The following NFASC variants were observed in gnomAD, a reference collection of about 807,000 sequenced individuals.
NFASC encodes the protein neurofascin homolog.
NFASC carries 43 observed loss-of-function variants against 147.5 expected under a neutral mutation model. The ratio of observed to expected loss-of-function variants is 0.29; its 90% CI spans 0.23 to 0.38. The LOEUF (loss-of-function observed/expected upper bound fraction) is 0.38, where lower values mean the gene tolerates loss of function less well. Ranked by LOEUF, NFASC falls within the 10% of genes least tolerant of loss-of-function variation. The pLI is 1.00. For synonymous variants in NFASC, 622 were observed against 665.5 expected, an observed-to-expected ratio of 0.93 and a Z score of 1.01; for missense variants, 1,320 against 1,689.0, an observed-to-expected ratio of 0.78 and a Z score of 3.83.
intron 8 of NFASC, among the ~76,000 whole-genome samples, chr1:204,962,562 G>C (rs2094729759): frequency 6.6e-6 from 1 of 152,214 alleles, no homozygotes; most frequent in Non-Finnish European, 1.5e-5. Flanking sequence ...GTAGTTGAAA[G>C]AACACAGAAA....
intron 1 of NFASC, among the ~76,000 whole-genome samples, chr1:204,854,759 C>T (rs2076008478): frequency 6.6e-6 from 1 of 152,192 alleles, no homozygotes; most frequent in Non-Finnish European, 1.5e-5. Flanking sequence ...CTAATCTTTG[C>T]TTCTTCAAGG....
At chr1:204,833,746 G>A (rs1672908098) in intron 1 of NFASC, among the ~76,000 whole-genome samples, 1 of 152,170 alleles carries the variant, frequency 6.6e-6, no homozygotes, top group African/African-American at 2.4e-5. Context: ...TTTGTTAGTT[G>A]GATTAGGTTG....
chr1:204,859,810 T>A (rs1407401345), intron 1 of NFASC, among the ~76,000 whole-genome samples: 1 of 152,244 alleles, frequency 6.6e-6, no homozygotes, highest in Non-Finnish European at 1.5e-5. Flanking sequence ...GCTAAGGGTC[T>A]TGTCTTTTCT....
intron 2 of NFASC, among the ~76,000 whole-genome samples, chr1:204,938,408 G>A (rs929921693): frequency 2.0e-5 from 3 of 152,212 alleles, no homozygotes; most frequent in African/African-American, 7.2e-5. Context: ...GCTTTACCAA[G>A]TGTTTTACAT....
chr1:204,999,589 T>C (rs1036176030), intron 25 of NFASC: 2 of 152,186 alleles, frequency 1.3e-5, no homozygotes, highest in Non-Finnish European at 1.5e-5. Flanking sequence ...AATTGAAGCG[T>C]CTGGCAGACA....
intron 1 of NFASC, among the ~76,000 whole-genome samples, chr1:204,905,946 T>C (rs185229325): frequency 7.2e-5 from 11 of 152,314 alleles, no homozygotes; most frequent in African/African-American, 9.6e-5. Flanking sequence ...TGTTTTCCAA[T>C]TGAATGAGTG....
chr1:204,957,436 C>T (rs2094480768), intron 7 of NFASC, among the ~76,000 whole-genome samples: 1 of 152,214 alleles, frequency 6.6e-6, no homozygotes, highest in Non-Finnish European at 1.5e-5. Context: ...AAATCCTGCT[C>T]TCCTCTCTGC....
intron 28 of NFASC, 65 bp from the exon 29 acceptor site, chr1:205,012,732 C>A: frequency 8.3e-7 from 1 of 1,199,252 alleles, no homozygotes; most frequent in Non-Finnish European, 1.2e-6. Flanking sequence ...TTCAGTGGAG[C>A]CCTAGAGAGC....
chr1:205,011,982 G>A (rs530290361), intron 28 of NFASC, among the ~76,000 whole-genome samples: 1 of 152,312 alleles, frequency 6.6e-6, no homozygotes, highest in Admixed American at 6.5e-5. Flanking sequence ...GGGAGGCTGG[G>A]GCATGAGAAT....
intron 8 of NFASC, among the ~76,000 whole-genome samples, chr1:204,963,950 G>A (rs2094815663): frequency 6.6e-6 from 1 of 152,214 alleles, no homozygotes; most frequent in Non-Finnish European, 1.5e-5. Flanking sequence ...TTTTGTTTTA[G>A]TGATTTCTAG....
At chr1:204,962,118 T>C (rs1160625094) in intron 8 of NFASC, 1 of 1,613,690 alleles carries the variant, frequency 6.2e-7, no homozygotes. Context: ...ACCACCCTTA[T>C]AATGACTCGT....
chr1:204,938,466 A>G lies in NFASC; in HGVS notation c.-90-5760A>G, dbSNP rs185244483. Among the ~76,000 whole-genome samples the G allele has an allele frequency of 4.0e-4, 61 of 152,290 alleles. No individual in the cohort carries two copies. In the South Asian group the frequency reaches 7.7e-3, roughly 19 times the overall value. On this transcript the variant is annotated intron_variant, in intron 2 of 29. Coordinates refer to ENST00000339876, the MANE Select transcript of NFASC (RefSeq NM_001005388.3). ...ACAGCAGCCTTCTAGAATTGGTGCT[A>G]TTGTTATCCCCATTTTTCAGATGAT... is the stretch of plus-strand genomic sequence containing the variant.
At position 204,968,956 on chromosome 1, in the gene NFASC, G is replaced by C; in HGVS notation, c.977G>C (p.Arg326Pro). Residue 326 changes from arginine to proline, a missense_variant, in exon 10 of 30, where the codon CGG becomes CCG. This residue lies in a region of NFASC where 981 missense variants were observed against 1,289.5 expected (regional missense o/e 0.76). Coordinates refer to ENST00000339876, the MANE Select transcript of NFASC (RefSeq NM_001005388.3). This position sits in a 1 kb window ranked among gnomAD's most constrained non-coding sequence, Gnocchi z 5.4. ...CLASNKMGSI[R>P]HTISVRVKAA... ...GCCTCCAACAAGATGGGCAGCATCC[G>C]GCACACGATCTCGGTGAGAGTAAAG... 1 of 1,613,956 alleles carries C rather than the reference G, an allele frequency of 6.2e-7. No homozygotes were observed. The highest frequency in any genetic ancestry group is 8.5e-7 in the Non-Finnish European group (1 of 1,179,972).
intron 19 of NFASC, among the ~76,000 whole-genome samples, chr1:204,980,089 C>T (rs2095482592): frequency 6.6e-6 from 1 of 152,174 alleles, no homozygotes; most frequent in South Asian, 2.1e-4. Flanking sequence ...ATTGAGTTGG[C>T]TTACTGACCA....
intron 11 of NFASC, among the ~76,000 whole-genome samples, chr1:204,971,434 G>A (rs2095253078): frequency 6.6e-6 from 1 of 152,118 alleles, no homozygotes; most frequent in South Asian, 2.1e-4. Context: ...TCTCTAAGAG[G>A]TCAGAGGAAA....
At chr1:204,891,543 G>A (rs369654620) in intron 1 of NFASC, among the ~76,000 whole-genome samples, 2 of 152,176 alleles carry the variant, frequency 1.3e-5, no homozygotes, top group Non-Finnish European at 2.9e-5. Context: ...TGGCACTGTG[G>A]GGTGGTGCCT....
intron 1 of NFASC, among the ~76,000 whole-genome samples, chr1:204,902,417 AT>A (rs534910361): frequency 6.6e-6 from 1 of 152,374 alleles, no homozygotes; most frequent in South Asian, 2.1e-4. Flanking sequence ...ATAAAAAGAC[AT>A]TTATGAGACA....
At chr1:205,008,009 T>C (rs1210448129) in intron 27 of NFASC, among the ~76,000 whole-genome samples, 7 of 152,126 alleles carry the variant, frequency 4.6e-5, no homozygotes. Context: ...ATCATGGTAC[T>C]CACAAGCCTT....
chr1:204,977,730 T>G lies in NFASC; in HGVS notation c.1876+5T>G. ...GTTTGGCTGCCCTGCCCAAAGGTAA[T>G]TCCCACTAATCACAGTCCCCTGCCA... is the stretch of plus-strand genomic sequence containing the variant. On this transcript the variant is annotated splice_donor_5th_base_variant and intron_variant, in intron 17 of 29. Coordinates refer to ENST00000339876, the MANE Select transcript of NFASC (RefSeq NM_001005388.3). 1 of 1,608,174 alleles carries G rather than the reference T, an allele frequency of 6.2e-7. No homozygotes were observed.
Sources: gnomAD v4.1 joint callset for allele counts (sites outside exome capture counted in the v4.1 genomes callset) on GRCh38, gnomAD v4.1.1 for gene constraint, gnomAD v4.1.1 regional missense constraint, Gnocchi (gnomAD v3.1) non-coding constraint, MANE v1.5 for transcripts, NCBI Gene and HGNC (gene_info 2026-07-23, HGNC 2026-07-21) for gene names.